Variants in CSMD1 observed in about 807,000 individuals in gnomAD.
CSMD1 encodes CUB and sushi domain-containing protein 1.
A neutral mutation model predicts 417.5 loss-of-function variants in CSMD1; 213 were observed. The observed-to-expected ratio is 0.51, with a 90% CI of 0.46 to 0.57. The LOEUF is 0.57. CSMD1 is among the 20% of genes least tolerant of loss of function. CSMD1 has a pLI of 0.00. For synonymous variants in CSMD1, 2,862 were observed against 1,736.8 expected (o/e 1.65, Z -16.11); for missense variants, 6,923 against 4,529.7 (o/e 1.53, Z -15.17).
chr8:3,641,745 C>A (rs769186104), intron 7 of CSMD1, among the ~76,000 whole-genome samples: 1 of 152,164 alleles, frequency 6.6e-6, no homozygotes, highest in Admixed American at 6.5e-5. Flanking sequence ...CCAGGATTCT[C>A]CCTGCTACCA....
At position 3,507,528 on chromosome 8, in the gene CSMD1, G is replaced by A. The variant is rs538891983; in HGVS notation, c.1345-13802C>T. Among the ~76,000 whole-genome samples the A allele has an allele frequency of 7.9e-5, 12 of 152,264 alleles. No homozygotes were observed. In the South Asian group the frequency reaches 2.3e-3, roughly 29 times the overall value. ...CCTTTGGGTATATACCTAGTAATGG[G>A]ATTGCTGGGTCAAATGGTATTTCTA... On this transcript the variant is annotated intron_variant, in intron 10 of 69. Coordinates refer to ENST00000635120, the MANE Select transcript of CSMD1 (RefSeq NM_033225.6).
At position 3,713,142 on chromosome 8, in the gene CSMD1, A is replaced by C. The variant is rs551750986; in HGVS notation, c.932-4651T>G. On this transcript the variant is annotated intron_variant, in intron 6 of 69. Coordinates refer to ENST00000635120, the MANE Select transcript of CSMD1 (RefSeq NM_033225.6). ...ATTATGGGGGAAATATTTTTAGTTT[A>C]AGGGCTGAAAAATCAAAAACCACCA... is the stretch of plus-strand genomic sequence containing the variant. Among the ~76,000 whole-genome samples the C allele has an allele frequency of 2.6e-5, 4 of 152,308 alleles. No individual in the cohort carries two copies. In the South Asian group the frequency reaches 8.3e-4, roughly 32 times the overall value.
intron 6 of CSMD1, among the ~76,000 whole-genome samples, chr8:3,720,472 T>A (rs1379941781): frequency 6.6e-6 from 1 of 152,212 alleles, no homozygotes; most frequent in Non-Finnish European, 1.5e-5. Context: ...CTTTCAGATC[T>A]GTGAACAACA....
chr8:4,543,906 T>C lies in CSMD1; in HGVS notation c.302+93436A>G, dbSNP rs973729722. 2.0e-5 allele frequency among the ~76,000 whole-genome samples: 3 copies of C among 152,152 alleles called. No homozygotes were observed. The South Asian group carries it at 6.2e-4, about 31-fold the overall frequency. On this transcript the variant is annotated intron_variant, in intron 2 of 69. Coordinates refer to ENST00000635120, the MANE Select transcript of CSMD1 (RefSeq NM_033225.6). The stretch of plus-strand genomic sequence containing the variant: ...ATAAGATGTGGAGCGCCTTTTCATA[T>C]GATAATTTGACATCTGTTTATCATC...
intron 1 of CSMD1, among the ~76,000 whole-genome samples, chr8:4,859,312 C>G (rs1157546695): frequency 6.6e-6 from 1 of 152,116 alleles, no homozygotes; most frequent in Admixed American, 6.5e-5. Flanking sequence ...CCATAAATAA[C>G]CTAGAAGAAA....
intron 52 of CSMD1, among the ~76,000 whole-genome samples, chr8:3,005,765 T>C (rs376712721): frequency 6.6e-6 from 1 of 152,068 alleles, no homozygotes; most frequent in Non-Finnish European, 1.5e-5. Flanking sequence ...ATTGATGGGA[T>C]GTATCTCAAA....
chr8:3,474,583 G>T (rs1002614766), intron 11 of CSMD1, among the ~76,000 whole-genome samples: 2 of 152,120 alleles, frequency 1.3e-5, no homozygotes, highest in Admixed American at 1.3e-4. Context: ...TGGTCTTTAT[G>T]CAGAAGTTTG....
chr8:4,661,035 C>A (rs1804566124), intron 1 of CSMD1, among the ~76,000 whole-genome samples: 1 of 152,140 alleles, frequency 6.6e-6, no homozygotes, highest in African/African-American at 2.4e-5. Flanking sequence ...CAAAATGGCA[C>A]AGCCACCCCG....
intron 26 of CSMD1, 63 bp downstream of exon 26, chr8:3,284,081 A>C: frequency 8.0e-7 from 1 of 1,247,372 alleles, no homozygotes; most frequent in Non-Finnish European, 1.1e-6. Flanking sequence ...AAATGGAGGG[A>C]GATCTGTGTT....
chr8:4,409,881 T>A (rs879356534), intron 3 of CSMD1, among the ~76,000 whole-genome samples: 16 of 152,126 alleles, frequency 1.1e-4, no homozygotes, highest in Admixed American at 6.5e-4. Flanking sequence ...TGGTGCAATC[T>A]TGGCTCACTG....
At chr8:4,198,437 G>C (rs917774603) in intron 3 of CSMD1, among the ~76,000 whole-genome samples, 18 of 152,194 alleles carry the variant, frequency 1.2e-4, no homozygotes, top group Non-Finnish European at 1.9e-4. Flanking sequence ...AGCCATACCT[G>C]TGGTGGTTAG....
At chr8:3,739,976 C>A (rs1489217188) in intron 6 of CSMD1, among the ~76,000 whole-genome samples, 2 of 152,120 alleles carry the variant, frequency 1.3e-5, no homozygotes, top group African/African-American at 4.8e-5. Flanking sequence ...CCTTCATGAT[C>A]CCTATCATTA....
At chr8:2,974,733 C>T in intron 55 of CSMD1, 109 bp from the exon 56 acceptor site, 1 of 654,858 alleles carries the variant, frequency 1.5e-6, no homozygotes, top group Non-Finnish European at 2.3e-6. Context: ...TAAAGAAAAA[C>T]ACCTAAATAT....
At chr8:3,549,537 A>G (rs964073217) in intron 10 of CSMD1, among the ~76,000 whole-genome samples, 4 of 152,206 alleles carry the variant, frequency 2.6e-5, no homozygotes, top group Non-Finnish European at 4.4e-5. Context: ...GGATGGATAA[A>G]TTCATTCATG....
intron 68 of CSMD1, among the ~76,000 whole-genome samples, chr8:2,944,833 AT>A (rs1802109990): frequency 8.2e-6 from 1 of 121,964 alleles, no homozygotes; most frequent in Non-Finnish European, 1.8e-5. Flanking sequence ...TTCTACTTAC[AT>A]TAACCACAGT....
intron 3 of CSMD1, among the ~76,000 whole-genome samples, chr8:4,228,883 A>T (rs546693810): frequency 1.3e-5 from 2 of 151,834 alleles, no homozygotes; most frequent in Non-Finnish European, 1.5e-5. Context: ...GCTTTCCCCA[A>T]GTTGGCCAGG....
At chr8:3,330,980 G>T (rs185134453) in intron 23 of CSMD1, among the ~76,000 whole-genome samples, 2,148 of 152,266 alleles carry the variant, frequency 0.014, 50 homozygotes, top group African/African-American at 0.049. Context: ...GCCGGGCGCG[G>T]TGGCTCACGC....
At position 3,205,121 on chromosome 8, in the gene CSMD1, G is replaced by A. The variant is rs954430550; in HGVS notation, c.4984+383C>T. Among the ~76,000 whole-genome samples the A allele has an allele frequency of 7.2e-5, 11 of 152,304 alleles. No homozygotes were observed. The East Asian group carries it at 1.2e-3, about 16-fold the overall frequency. Reference sequence around the variant, plus strand: ...TCATGATCTGGTTACTGAGTTCACTGAATGTATGTGCCATTCATGCACAGA... The same window carrying A: ...TCATGATCTGGTTACTGAGTTCACTAAATGTATGTGCCATTCATGCACAGA... On this transcript the variant is annotated intron_variant, in intron 31 of 69. Transcript: ENST00000635120.
chr8:4,911,552 T>C (rs561004819), intron 1 of CSMD1, among the ~76,000 whole-genome samples: 1 of 152,346 alleles, frequency 6.6e-6, no homozygotes, highest in South Asian at 2.1e-4. Context: ...CAAACTTTAC[T>C]GCTAATACCT....
Sources: allele counts gnomAD v4.1 joint callset (sites outside exome capture counted in the v4.1 genomes callset), GRCh38; gene constraint gnomAD v4.1.1; transcripts MANE v1.5; gene names NCBI Gene and HGNC (gene_info 2026-07-23, HGNC 2026-07-21).